The following PKHD1L1 variants were observed in gnomAD, a reference collection of about 807,000 sequenced individuals.
PKHD1L1 encodes PKHD1 like 1, also known as fibrocystin-L.
Under a neutral mutation model 462.9 loss-of-function variants are expected in PKHD1L1, and 434 were observed. That is an observed-to-expected ratio of 0.94 (90% confidence interval 0.87 to 1.02). The LOEUF is 1.02. Ranked by LOEUF, PKHD1L1 falls within the 50% of genes least tolerant of loss-of-function variation. PKHD1L1 has a pLI of 0.00. For missense variants in PKHD1L1, 5,202 were observed against 5,096.1 expected (o/e 1.02, Z -0.63); for synonymous variants, 1,781 against 1,750.0 (o/e 1.02, Z -0.44).
At chr8:109,505,308 C>A (rs923689131) in intron 68 of PKHD1L1, among the ~76,000 whole-genome samples, 2 of 151,922 alleles carry the variant, frequency 1.3e-5, no homozygotes, top group Non-Finnish European at 2.9e-5. Flanking sequence ...TCACAGGTAC[C>A]CCAAATGTGC....
intron 76 of PKHD1L1, among the ~76,000 whole-genome samples, chr8:109,524,184 C>T (rs1171553255): frequency 6.6e-6 from 1 of 152,088 alleles, no homozygotes; most frequent in Non-Finnish European, 1.5e-5. Flanking sequence ...TTCTGTTTGT[C>T]CCAACTCAGG....
At chr8:109,374,745 C>A (rs1230584228) in intron 2 of PKHD1L1, among the ~76,000 whole-genome samples, 1 of 152,046 alleles carries the variant, frequency 6.6e-6, no homozygotes, top group Non-Finnish European at 1.5e-5. Context: ...TATTTTATTT[C>A]TCCTTCACTT....
At position 109,536,271 on chromosome 8, in the gene PKHD1L1, C is replaced by T. The variant is rs1004263399; in HGVS notation, c.*6181C>T. Among the ~76,000 whole-genome samples the T allele has an allele frequency of 2.6e-5, 4 of 152,138 alleles. No homozygotes were observed. The highest frequency in any genetic ancestry group is 1.9e-4 in the East Asian group (1 of 5,204). On this transcript the variant is annotated 3_prime_UTR_variant, in exon 78 of 78. Transcript: ENST00000378402. ...TGATATTTAATTTGCAAAATAAATC[C>T]GTAAAGCAGGAATTACTAACCTAAT...
chr8:109,380,581 T>G (rs542431911), intron 2 of PKHD1L1, among the ~76,000 whole-genome samples: 1 of 152,212 alleles, frequency 6.6e-6, no homozygotes, highest in Non-Finnish European at 1.5e-5. Flanking sequence ...AAAAGTTACT[T>G]CCCCCAGGGA....
Position 109,419,273 on chromosome 8 carries a change from AT to A in PKHD1L1, c.2524+17del. On this transcript the variant is annotated intron_variant, in intron 22 of 77. Transcript: ENST00000378402. Reference sequence around the variant, plus strand: ...TCAACATTGGATGGTATGTTGTATCATTTTATCTCTGCTTTAATCTAAATAT... The same window carrying A: ...TCAACATTGGATGGTATGTTGTATCATTTATCTCTGCTTTAATCTAAATAT... 6.4e-7 allele frequency: 1 copy of A among 1,561,998 alleles called. No individual in the cohort carries two copies. Among genetic ancestry groups the A allele is most frequent in the Non-Finnish European group, 8.7e-7 (1 of 1,148,934 alleles).
chr8:109,476,388 A>T (rs1467244733), intron 51 of PKHD1L1, 120 bp from the exon 52 acceptor site: 1 of 687,912 alleles, frequency 1.5e-6, no homozygotes, highest in Non-Finnish European at 2.2e-6. Context: ...CAAAAAACAA[A>T]CTAAAGCCAA....
In PKHD1L1 at chr8:109,456,249, ATGT is replaced by A; in HGVS notation, c.6875-10_6875-8del. 2 of 1,608,454 alleles carry A rather than the reference ATGT, an allele frequency of 1.2e-6. No homozygotes were observed. Among genetic ancestry groups the A allele is most frequent in the Non-Finnish European group, 1.7e-6 (2 of 1,177,790 alleles). ...ACATGTAAGGAAATACTCAGTGTGT[ATGT>A]TGGTTCTAGGTGTGCCTGTTCCTGT... On this transcript the variant is annotated splice_polypyrimidine_tract_variant and intron_variant, in intron 45 of 77. Coordinates refer to ENST00000378402, the MANE Select transcript of PKHD1L1 (RefSeq NM_177531.6).
intron 59 of PKHD1L1, among the ~76,000 whole-genome samples, chr8:109,487,868 C>T (rs1185187758): frequency 2.4e-5 from 2 of 82,750 alleles, no homozygotes; most frequent in African/African-American, 9.9e-5. Context: ...GAGAGAAAGA[C>T]AGAGAGAAAG....
At chr8:109,368,922 G>A (rs1355054295) in intron 2 of PKHD1L1, among the ~76,000 whole-genome samples, 1 of 151,830 alleles carries the variant, frequency 6.6e-6, no homozygotes, top group Non-Finnish European at 1.5e-5. Context: ...TGTAATCTTT[G>A]TGACTTGGAG....
intron 6 of PKHD1L1, 92 bp from the exon 7 acceptor site, chr8:109,388,405 T>G: frequency 1.1e-6 from 1 of 899,818 alleles, no homozygotes; most frequent in Non-Finnish European, 1.8e-6. Flanking sequence ...GAAAAAAAAT[T>G]TAAGGGAACC....
rs1821142256 is a variant in PKHD1L1, at chr8:109,536,110, C to T, written c.*6020C>T. Among the ~76,000 whole-genome samples the T allele has an allele frequency of 6.6e-6, 1 of 152,108 alleles. No individual in the cohort carries two copies. Among genetic ancestry groups the T allele is most frequent in the Admixed American group, 6.6e-5 (1 of 15,266 alleles). The stretch of plus-strand genomic sequence containing the variant: ...CTGGTTGCTGATGACATAAAATTCA[C>T]CTCTATTTCTTGGAAGCACTATTCC... On this transcript the variant is annotated 3_prime_UTR_variant, in exon 78 of 78. Transcript: ENST00000378402.
Position 109,522,732 on chromosome 8 carries a change from G to A in PKHD1L1, c.12184-12G>A. 6.2e-7 allele frequency: 1 copy of A among 1,601,586 alleles called. No individual in the cohort carries two copies. Among genetic ancestry groups the A allele is most frequent in the Non-Finnish European group, 8.5e-7 (1 of 1,175,978 alleles). ...TCATGAAGAAACCAGTTCATCCCTT[G>A]TGCATTCACAGGTGACTGCCCAGCC... On this transcript the variant is annotated splice_polypyrimidine_tract_variant and intron_variant, in intron 74 of 77. Coordinates refer to ENST00000378402, the MANE Select transcript of PKHD1L1 (RefSeq NM_177531.6).
chr8:109,463,154 T>G (rs949522259), intron 48 of PKHD1L1, among the ~76,000 whole-genome samples: 8 of 152,186 alleles, frequency 5.3e-5, no homozygotes, highest in African/African-American at 1.9e-4. Context: ...CAGTTGATTA[T>G]AAATTAAACA....
intron 2 of PKHD1L1, among the ~76,000 whole-genome samples, chr8:109,375,426 CT>C (rs1378275872): frequency 6.6e-6 from 1 of 152,090 alleles, no homozygotes; most frequent in Admixed American, 6.5e-5. Flanking sequence ...AGGTTTTTAA[CT>C]TCTTTGCCAT....
chr8:109,367,421 A>G (rs1002686941), intron 2 of PKHD1L1, among the ~76,000 whole-genome samples: 1 of 152,274 alleles, frequency 6.6e-6, no homozygotes, highest in Non-Finnish European at 1.5e-5. Context: ...ATTATAAAAC[A>G]GTAAAATATT....
chr8:109,401,583 A>G lies in PKHD1L1; in HGVS notation c.1368A>G (p.Gly456=). 2.6e-6 allele frequency: 4 copies of G among 1,550,320 alleles called. No homozygotes were observed. Among genetic ancestry groups the G allele is most frequent in the Middle Eastern group, 3.4e-4 (2 of 5,934 alleles). ...CAGATGATATTCATCTGCAGAAAGG[A>G]AAAGAGTAAGGCTTTTTCCTGTCAT... The part of the protein sequence containing the change: ...QRSDDIHLQK[G]KEYYIEILLQ... The change falls in exon 14 of 78, where the codon GGA becomes GGG. Residue 456 remains glycine (G), a synonymous_variant. Transcript: ENST00000378402.
intron 50 of PKHD1L1, among the ~76,000 whole-genome samples, chr8:109,472,944 A>G (rs986698639): frequency 1.3e-5 from 2 of 152,106 alleles, no homozygotes; most frequent in Non-Finnish European, 2.9e-5. Context: ...AAAGCATCTC[A>G]TGCATGATGG....
intron 11 of PKHD1L1, 48 bp downstream of exon 11, chr8:109,396,185 C>A: frequency 1.6e-6 from 2 of 1,285,570 alleles, no homozygotes; most frequent in Non-Finnish European, 2.2e-6. Flanking sequence ...ACAAATTCTG[C>A]CTGCTCTTTA....
chr8:109,374,692 C>T (rs1005230507), intron 2 of PKHD1L1, among the ~76,000 whole-genome samples: 3 of 152,102 alleles, frequency 2.0e-5, no homozygotes, highest in Admixed American at 6.5e-5. Flanking sequence ...TTAGGGCAGG[C>T]CTGGTGGTGA....
Sources: gnomAD v4.1 joint callset for allele counts (sites outside exome capture counted in the v4.1 genomes callset) on GRCh38, gnomAD v4.1.1 for gene constraint, MANE v1.5 for transcripts, NCBI Gene and HGNC (gene_info 2026-07-23, HGNC 2026-07-21) for gene names.